Variants in MSI2 observed in about 807,000 individuals in gnomAD.
The protein encoded by MSI2 is musashi RNA binding protein 2.
In MSI2, 17 loss-of-function variants were observed where a neutral mutation model predicts 45.6. That is an observed-to-expected ratio of 0.37 (90% CI 0.26 to 0.56). The LOEUF (loss-of-function observed/expected upper bound fraction) is 0.56. MSI2 is among the 20% of genes least tolerant of loss of function. The pLI is 0.77. For synonymous variants in MSI2, 156 were observed against 158.2 expected (o/e 0.99, Z 0.11); for missense variants, 293 against 444.2 (o/e 0.66, Z 3.06).
At chr17:57,550,260 A>C (rs965132363) in intron 7 of MSI2, among the ~76,000 whole-genome samples, 4 of 152,206 alleles carry the variant, frequency 2.6e-5, no homozygotes, top group Non-Finnish European at 5.9e-5. Flanking sequence ...GTGGTTGTCA[A>C]GGCCTTACGG....
At chr17:57,500,508 G>A (rs536775857) in intron 6 of MSI2, among the ~76,000 whole-genome samples, 21 of 151,990 alleles carry the variant, frequency 1.4e-4, no homozygotes, top group Admixed American at 1.4e-3. Flanking sequence ...GAGGAGGTTG[G>A]ACAGTTGCCC....
chr17:57,558,608 C>T (rs1402034519), intron 7 of MSI2, among the ~76,000 whole-genome samples: 1 of 152,190 alleles, frequency 6.6e-6, no homozygotes, highest in Non-Finnish European at 1.5e-5. Context: ...TTGCCCCAGC[C>T]CTCTGACCTC....
chr17:57,573,887 G>A (rs2087944850), intron 7 of MSI2, among the ~76,000 whole-genome samples: 1 of 152,196 alleles, frequency 6.6e-6, no homozygotes, highest in Non-Finnish European at 1.5e-5. Context: ...CCTTGAGGGC[G>A]AGGGCAGGCT....
intron 5 of MSI2, among the ~76,000 whole-genome samples, chr17:57,317,657 A>G (rs1361254456): frequency 6.6e-6 from 1 of 151,820 alleles, no homozygotes; most frequent in Non-Finnish European, 1.5e-5. Flanking sequence ...ACTCCATGTT[A>G]TAGTTTTGAC....
At chr17:57,507,225 C>CTGTG (rs71140002) in intron 6 of MSI2, among the ~76,000 whole-genome samples, 645 of 51,106 alleles carry the variant, frequency 0.013, 15 homozygotes, top group East Asian at 0.064. Context: ...CTTTGTCTCT[C>CTGTG]TGTGTGTGTG....
chr17:57,666,136 A>G (rs1912343975), intron 11 of MSI2, among the ~76,000 whole-genome samples: 2 of 152,246 alleles, frequency 1.3e-5, no homozygotes, highest in African/African-American at 4.8e-5. Context: ...CTCTGGGGCA[A>G]AGAAAGATCC....
intron 6 of MSI2, among the ~76,000 whole-genome samples, chr17:57,478,483 A>G (rs2085584145): frequency 6.6e-6 from 1 of 152,210 alleles, no homozygotes; most frequent in South Asian, 2.1e-4. Flanking sequence ...CAAGAAAGGA[A>G]AGTCCACAGG....
At chr17:57,265,147 C>T (rs928850214) in intron 5 of MSI2, 10 of 152,218 alleles carry the variant, frequency 6.6e-5, no homozygotes, top group African/African-American at 2.4e-4. Flanking sequence ...GGATTTCAGA[C>T]TGGAGTTAGC....
At chr17:57,605,523 C>CA (rs1372910758) in intron 8 of MSI2, among the ~76,000 whole-genome samples, 1 of 152,166 alleles carries the variant, frequency 6.6e-6, no homozygotes, top group Non-Finnish European at 1.5e-5. Flanking sequence ...ACTCCACCCC[C>CA]AGGGCGCAGG....
intron 6 of MSI2, among the ~76,000 whole-genome samples, chr17:57,447,706 C>T (rs1039470297): frequency 3.9e-5 from 6 of 152,074 alleles, no homozygotes; most frequent in South Asian, 2.1e-4. Context: ...GAGGAGTGCA[C>T]GACCCAGTGC....
At chr17:57,447,865 G>C (rs987051384) in intron 6 of MSI2, among the ~76,000 whole-genome samples, 10 of 152,166 alleles carry the variant, frequency 6.6e-5, no homozygotes, top group Non-Finnish European at 1.3e-4. Flanking sequence ...CCATGACAGG[G>C]GTGGAGAAGG....
rs556333363 is a variant in MSI2, at chr17:57,339,811, CT to C, written c.313-61564del. Among the ~76,000 whole-genome samples the C allele has an allele frequency of 2.7e-3, 416 of 152,270 alleles. 3 individuals carry two copies. Among genetic ancestry groups the C allele is most frequent in the African/African-American group, 9.4e-3 (390 of 41,552 alleles). On this transcript the variant is annotated intron_variant, in intron 5 of 13. Transcript: ENST00000284073. ...CTTTGGGTCTCCTGACTCCCAGAAACTTTTCCAGCTTCCCATGGTCTGTGCT... is the reference window on the plus strand; with the variant it reads ...CTTTGGGTCTCCTGACTCCCAGAAACTTTCCAGCTTCCCATGGTCTGTGCT...
intron 7 of MSI2, among the ~76,000 whole-genome samples, chr17:57,553,153 G>GCC (rs112960562): frequency 6.6e-6 from 1 of 152,078 alleles, no homozygotes; most frequent in Admixed American, 6.5e-5. Flanking sequence ...TAGAGCATGA[G>GCC]CCCCCCAAGG....
chr17:57,608,917 A>AG (rs1192170437), intron 8 of MSI2, among the ~76,000 whole-genome samples: 1 of 152,124 alleles, frequency 6.6e-6, no homozygotes, highest in Non-Finnish European at 1.5e-5. Context: ...TGATTGGCAG[A>AG]GGGGGCAGGA....
chr17:57,626,477 A>G (rs1168325969), intron 9 of MSI2: 1 of 152,248 alleles, frequency 6.6e-6, no homozygotes, highest in Non-Finnish European at 1.5e-5. Context: ...TTGTGTGCCC[A>G]GTGGCCAGCC....
intron 6 of MSI2, among the ~76,000 whole-genome samples, chr17:57,486,056 A>G (rs1279294333): frequency 6.6e-6 from 1 of 152,224 alleles, no homozygotes; most frequent in East Asian, 1.9e-4. Context: ...TCACCTCCCA[A>G]GGATACAGTG....
intron 7 of MSI2, among the ~76,000 whole-genome samples, chr17:57,579,497 C>T (rs4793875): frequency 0.1 from 15,936 of 152,178 alleles, 977 homozygotes; most frequent in Middle Eastern, 0.16. Context: ...AGTCAAGGGC[C>T]GCCTTGTGCC....
intron 6 of MSI2, among the ~76,000 whole-genome samples, chr17:57,507,253 G>A (rs941757607): frequency 4.8e-4 from 72 of 150,130 alleles, no homozygotes; most frequent in Admixed American, 8.0e-4. Flanking sequence ...GTGTGTGTGT[G>A]TGTGTGTGTG....
intron 10 of MSI2, among the ~76,000 whole-genome samples, chr17:57,639,785 T>C (rs1042342513): frequency 1.3e-5 from 2 of 152,176 alleles, no homozygotes; most frequent in African/African-American, 4.8e-5. Flanking sequence ...TTCTACAGTC[T>C]TTCTCCTGAA....
Sources: gnomAD v4.1 joint callset for allele counts (sites outside exome capture counted in the v4.1 genomes callset) on GRCh38, gnomAD v4.1.1 for gene constraint, MANE v1.5 for transcripts, NCBI Gene and HGNC (gene_info 2026-07-23, HGNC 2026-07-21) for gene names.